PDE8A: variants seen among roughly 807,000 people sequenced by gnomAD.
PDE8A encodes the protein high affinity cAMP-specific and IBMX-insensitive 3',5'-cyclic phosphodiesterase 8A.
Under a neutral mutation model 105.0 loss-of-function variants are expected in PDE8A, and 59 were observed. That is an observed-to-expected ratio of 0.56 (90% CI 0.46 to 0.70). PDE8A has a LOEUF of 0.70. PDE8A is among the 30% of genes least tolerant of loss of function. The probability of loss-of-function intolerance (pLI) is 0.00; values close to 1 mark genes in which losing one functional copy is unlikely to be tolerated. For synonymous variants in PDE8A, 355 were observed against 371.9 expected, an observed-to-expected ratio of 0.95 and a Z score of 0.52; for missense variants, 1,014 against 1,045.9, an observed-to-expected ratio of 0.97 and a Z score of 0.42.
intron 1 of PDE8A, among the ~76,000 whole-genome samples, chr15:85,042,871 A>G (rs1388741133): frequency 6.6e-6 from 1 of 152,244 alleles, no homozygotes; most frequent in Non-Finnish European, 1.5e-5. Flanking sequence ...AAAGGGTCAC[A>G]GTTCAAACCC....
At chr15:85,104,785 G>A (rs2081922499) in intron 11 of PDE8A, among the ~76,000 whole-genome samples, 1 of 152,120 alleles carries the variant, frequency 6.6e-6, no homozygotes, top group South Asian at 2.1e-4. Context: ...TTGGCCCTGG[G>A]CCAACTATTC....
At chr15:85,011,489 T>A (rs1241033363) in intron 1 of PDE8A, among the ~76,000 whole-genome samples, 1 of 152,166 alleles carries the variant, frequency 6.6e-6, no homozygotes, top group Admixed American at 6.5e-5. Context: ...AAATTTTGAA[T>A]GTAAAATGGT....
chr15:85,091,185 A>G lies in PDE8A; in HGVS notation c.852+4A>G. ...TTCATGCATCAGGATAGGCAAGGTA[A>G]GTAAGAGGTCAGTGCCTTTTTTAAC... On this transcript the variant is annotated splice_donor_region_variant and intron_variant, in intron 8 of 21. Coordinates refer to ENST00000394553, the MANE Select transcript of PDE8A (RefSeq NM_002605.3). 1 of 1,597,142 alleles carries G rather than the reference A, an allele frequency of 6.3e-7. No individual in the cohort carries two copies. The highest frequency in any genetic ancestry group is 8.5e-7 in the Non-Finnish European group (1 of 1,172,562).
intron 1 of PDE8A, among the ~76,000 whole-genome samples, chr15:85,050,197 A>T (rs1016638230): frequency 6.6e-6 from 1 of 152,170 alleles, no homozygotes; most frequent in East Asian, 1.9e-4. Context: ...GGGGTTCTCT[A>T]TATATTGTAG....
At chr15:85,136,808 C>A in intron 21 of PDE8A, 145 bp downstream of exon 21, 1 of 723,728 alleles carries the variant, frequency 1.4e-6, no homozygotes, top group Middle Eastern at 4.1e-4. Flanking sequence ...ACCGAGGGCC[C>A]CTGAGGGCTA....
chr15:85,132,916 C>G lies in PDE8A; in HGVS notation c.2254-3618C>G, dbSNP rs563497652. ...TTGTTTTCAAGTCTTTGTCCAGTGC[C>G]TGTACATCTTTAGGGACAGTTTCTT... On this transcript the variant is annotated intron_variant, in intron 20 of 21. Coordinates refer to ENST00000394553, the MANE Select transcript of PDE8A (RefSeq NM_002605.3). Among the ~76,000 whole-genome samples the G allele has an allele frequency of 3.3e-5, 5 of 152,174 alleles. No homozygotes were observed. In the South Asian group the frequency reaches 1.0e-3, roughly 32 times the overall value.
intron 1 of PDE8A, among the ~76,000 whole-genome samples, chr15:85,001,649 G>GTCT (rs2080069442): frequency 6.6e-6 from 1 of 152,132 alleles, no homozygotes; most frequent in African/African-American, 2.4e-5. Flanking sequence ...CACCTTGTTG[G>GTCT]GCACCTGAAG....
At chr15:85,091,924 T>C (rs941065032) in intron 8 of PDE8A, among the ~76,000 whole-genome samples, 1 of 138,536 alleles carries the variant, frequency 7.2e-6, no homozygotes, top group African/African-American at 2.8e-5. Flanking sequence ...TTTTTTTTGC[T>C]TTTGGAAGTT....
At chr15:85,079,640 C>T (rs544371540) in intron 5 of PDE8A, among the ~76,000 whole-genome samples, 4 of 152,164 alleles carry the variant, frequency 2.6e-5, no homozygotes, top group African/African-American at 4.8e-5. Flanking sequence ...AGGCTGGGCA[C>T]GGTGGCTCAC....
intron 14 of PDE8A, chr15:85,115,173 C>T (rs2082076727): frequency 4.6e-6 from 2 of 431,282 alleles, no homozygotes; most frequent in Admixed American, 4.8e-5. Context: ...GATGCAGGCT[C>T]ACCTCCCGGG....
intron 1 of PDE8A, among the ~76,000 whole-genome samples, chr15:85,028,644 T>C (rs1005923315): frequency 2.0e-5 from 3 of 152,208 alleles, no homozygotes; most frequent in African/African-American, 7.2e-5. Flanking sequence ...AAAAAGTCAC[T>C]TGCTTTCTTA....
chr15:85,114,846 G>A (rs1354973343), intron 14 of PDE8A, among the ~76,000 whole-genome samples: 2 of 152,134 alleles, frequency 1.3e-5, no homozygotes, highest in East Asian at 3.8e-4. Context: ...GATGGGGGTA[G>A]GATAGTGTCC....
At chr15:84,981,113 G>C (rs867256791), upstream of PDE8A, among the ~76,000 whole-genome samples, 6 of 152,238 alleles carry the variant, frequency 3.9e-5, no homozygotes, top group African/African-American at 4.8e-5. Context: ...TCAAGTAGCC[G>C]CTAAGTTACG....
chr15:85,034,862 T>A (rs542086058), intron 1 of PDE8A, among the ~76,000 whole-genome samples: 7 of 152,298 alleles, frequency 4.6e-5, no homozygotes, highest in South Asian at 4.1e-4. Context: ...AGAAATATTT[T>A]AATTTCATCA....
chr15:85,076,903 A>T (rs2081388242), intron 5 of PDE8A, 116 bp downstream of exon 5: 1 of 726,000 alleles, frequency 1.4e-6, no homozygotes, highest in African/African-American at 1.7e-5. Context: ...TTGTCTGGCC[A>T]GGCGTGGTGG....
chr15:85,123,337 TACACACACACACACACACAC>T (rs58421452), intron 19 of PDE8A, 144 bp downstream of exon 19: 53,091 of 329,588 alleles, frequency 0.16, 3,226 homozygotes, highest in East Asian at 0.42. Flanking sequence ...ACTAATGGGA[TACACACACACACACACACAC>T]ACACACACAC....
intron 1 of PDE8A, among the ~76,000 whole-genome samples, chr15:85,014,971 A>G (rs553021170): frequency 3.3e-5 from 5 of 151,986 alleles, no homozygotes; most frequent in African/African-American, 9.6e-5. Flanking sequence ...CCACTAATCT[A>G]TTTTCTGTCT....
chr15:85,123,492 A>G (rs1228345977), intron 19 of PDE8A, among the ~76,000 whole-genome samples: 1 of 152,140 alleles, frequency 6.6e-6, no homozygotes, highest in African/African-American at 2.4e-5. Context: ...AAACTGGAGA[A>G]CTTGGAGTCT....
chr15:85,028,988 G>C (rs11858363), intron 1 of PDE8A, among the ~76,000 whole-genome samples: 1 of 152,004 alleles, frequency 6.6e-6, no homozygotes. Context: ...GTAATCTGTC[G>C]AGAGAGAGAA....
Sources: allele counts gnomAD v4.1 joint callset (sites outside exome capture counted in the v4.1 genomes callset), GRCh38; gene constraint gnomAD v4.1.1; transcripts MANE v1.5; gene names NCBI Gene and HGNC (gene_info 2026-07-23, HGNC 2026-07-21).